NR1D2: variants seen among roughly 807,000 people sequenced by gnomAD.
NR1D2 encodes nuclear receptor subfamily 1 group D member 2.
A neutral mutation model predicts 52.2 loss-of-function variants in NR1D2; 25 were observed. The observed-to-expected ratio is 0.48, with a 90% CI of 0.35 to 0.67. The LOEUF is 0.67. Ranked by LOEUF, NR1D2 falls within the 30% of genes least tolerant of loss-of-function variation. The pLI is 0.01. For synonymous variants in NR1D2, 259 were observed against 230.1 expected (o/e 1.13, Z -1.14); for missense variants, 681 against 707.2 (o/e 0.96, Z 0.42).
At position 23,946,448 on chromosome 3, in the gene NR1D2, G is replaced by C. The variant is rs1028508342; in HGVS notation, c.16+854G>C. 1.4e-5 allele frequency: 4 copies of C among 279,352 alleles called. No individual in the cohort carries two copies. In the Admixed American group the frequency reaches 1.9e-4, roughly 14 times the overall value. The allele number at this position is 279,352 out of a possible 1,614,324, so 17.3% of individuals were successfully genotyped here. Reference sequence around the variant, plus strand: ...AGGAGCTCTGAGGTGCTTCGATCCCGAGCGACTCCCCGCAGACTGGGTAGC... The same window carrying C: ...AGGAGCTCTGAGGTGCTTCGATCCCCAGCGACTCCCCGCAGACTGGGTAGC... On this transcript the variant is annotated intron_variant, in intron 1 of 7. Coordinates refer to ENST00000312521, the MANE Select transcript of NR1D2 (RefSeq NM_005126.5).
In NR1D2 at chr3:23,977,486, T is replaced by A. The variant is rs1706763307; in HGVS notation, c.*67T>A. The A allele has an allele frequency of 9.7e-7, 1 of 1,034,010 alleles. No individual in the cohort carries two copies. Among genetic ancestry groups the A allele is most frequent in the African/African-American group, 1.6e-5 (1 of 62,286 alleles). The allele number at this position is 1,034,010 out of a possible 1,614,324, so 64.1% of individuals were successfully genotyped here. A position where few individuals can be genotyped will look rare whatever the true frequency, so the allele number is the denominator to read the frequency against. On this transcript the variant is annotated 3_prime_UTR_variant, in exon 8 of 8. Transcript: ENST00000312521. ...TTTTGTGCTAAAATGCATATTTATA[T>A]GTGTATACCATATGTGGAGATAGAA...
intron 3 of NR1D2, among the ~76,000 whole-genome samples, chr3:23,958,121 G>A (rs1706134618): frequency 6.6e-6 from 1 of 152,216 alleles, no homozygotes; most frequent in Non-Finnish European, 1.5e-5. Context: ...GCAGCTGTTT[G>A]TAGCCATCTA....
chr3:23,945,979 T>C (rs1705678114), intron 1 of NR1D2: 1 of 474,452 alleles, frequency 2.1e-6, no homozygotes, highest in African/African-American at 2.1e-5. Flanking sequence ...GTGAGGCCGC[T>C]CGGCTCCCTG....
chr3:23,979,159 TTAAG>T lies in NR1D2; in HGVS notation c.*1746_*1749del, dbSNP rs1169227920. Reference sequence around the variant, plus strand: ...GGGACTTGATTTACTGTGGCACTAGTTAAGTAAGTTAAAAAAAAGTTAAACCCTC... The same window carrying T: ...GGGACTTGATTTACTGTGGCACTAGTTAAGTTAAAAAAAAGTTAAACCCTC... On this transcript the variant is annotated 3_prime_UTR_variant, in exon 8 of 8. Coordinates refer to ENST00000312521, the MANE Select transcript of NR1D2 (RefSeq NM_005126.5). 1.3e-5 allele frequency: 2 copies of T among 152,146 alleles called. No individual in the cohort carries two copies. Among genetic ancestry groups the T allele is most frequent in the African/African-American group, 2.4e-5 (1 of 41,530 alleles). 9.4% of individuals were successfully genotyped at this position (152,146 alleles called of 1,614,324 possible). A position where few individuals can be genotyped will look rare whatever the true frequency, so the allele number is the denominator to read the frequency against.
In NR1D2 at chr3:23,962,343, A is replaced by G. The variant is rs375264865; in HGVS notation, c.884A>G (p.Asn295Ser). 3.7e-6 allele frequency: 6 copies of G among 1,614,034 alleles called. No homozygotes were observed. Among genetic ancestry groups the G allele is most frequent in the Non-Finnish European group, 5.1e-6 (6 of 1,180,018 alleles). Residue 295 changes from asparagine to serine, a missense_variant, in exon 5 of 8, where the codon AAT (asparagine) becomes AGT (serine). Asn to Ser is a conservative substitution (Grantham distance 46). Transcript: ENST00000312521. Reference sequence around the variant, plus strand: ...ATTCCCAAGAACATGGAGCAATATAATTTAAATCATGATCATTGCGGCAAT... The same window carrying G: ...ATTCCCAAGAACATGGAGCAATATAGTTTAAATCATGATCATTGCGGCAAT... ...ERIPKNMEQY[N>S]LNHDHCGNGL...
chr3:23,951,991 C>G (rs1705946511), intron 1 of NR1D2, among the ~76,000 whole-genome samples: 1 of 152,158 alleles, frequency 6.6e-6, no homozygotes, highest in Admixed American at 6.5e-5. Context: ...TTCCAGGGAG[C>G]ACAGATGAAG....
chr3:23,953,444 G>A (rs1055261777), intron 1 of NR1D2, among the ~76,000 whole-genome samples: 1 of 151,864 alleles, frequency 6.6e-6, no homozygotes. Context: ...TCTGTGTAGA[G>A]GGAATTAGCT....
intron 1 of NR1D2, among the ~76,000 whole-genome samples, chr3:23,952,970 T>A (rs1705983203): frequency 6.6e-6 from 1 of 151,968 alleles, no homozygotes; most frequent in Non-Finnish European, 1.5e-5. Flanking sequence ...TTTTTTTTCT[T>A]GCCTAAAGAC....
intron 6 of NR1D2, among the ~76,000 whole-genome samples, chr3:23,965,592 TG>T (rs1324931932): frequency 6.6e-6 from 1 of 152,114 alleles, no homozygotes; most frequent in Non-Finnish European, 1.5e-5. Flanking sequence ...GTCCAGAGTC[TG>T]AAACTATCAA....
Position 23,970,152 on chromosome 3 carries a change from G to A in NR1D2, c.1543+2129G>A, listed in dbSNP as rs549684280. On this transcript the variant is annotated intron_variant, in intron 7 of 7. Coordinates refer to ENST00000312521, the MANE Select transcript of NR1D2 (RefSeq NM_005126.5). ...ACATTAATTCTGCATTTTTATTGTG[G>A]TGGGCAGATTAGATAGGTAAGTCAT... is the stretch of plus-strand genomic sequence containing the variant. Among the ~76,000 whole-genome samples the A allele has an allele frequency of 3.9e-5, 6 of 152,342 alleles. No individual in the cohort carries two copies. The South Asian group carries it at 1.2e-3, about 32-fold the overall frequency.
At position 23,961,989 on chromosome 3, in the gene NR1D2, G is replaced by T; in HGVS notation, c.530G>T (p.Gly177Val). The change falls in exon 5 of 8, where the codon GGT becomes GTT. Residue 177 changes from glycine to valine, a missense_variant. Physicochemically the swap from Gly to Val is moderately radical, Grantham distance 109. Transcript: ENST00000312521. ...VGMSRDAVRF[G>V]RIPKREKQRM... ...TTTTCTTCAATAGCTGTTCGGTTTG[G>T]TCGTATTCCTAAGCGTGAAAAACAG... 6.2e-7 allele frequency: 1 copy of T among 1,603,930 alleles called. No individual in the cohort carries two copies. Among genetic ancestry groups the T allele is most frequent in the Non-Finnish European group, 8.5e-7 (1 of 1,173,650 alleles).
Position 23,962,059 on chromosome 3 carries a change from C to T in NR1D2, c.600C>T (p.Asn200=). Reference sequence around the variant, plus strand: ...AAAGTGCAATGAAGACCATGATGAACAGCCAGTTCAGTGGTCACTTGCAAA... The same window carrying T: ...AAAGTGCAATGAAGACCATGATGAATAGCCAGTTCAGTGGTCACTTGCAAA... ...EMQSAMKTMM[N]SQFSGHLQND... The change falls in exon 5 of 8, where the codon AAC becomes AAT. Residue 200 remains asparagine, a synonymous_variant. Coordinates refer to ENST00000312521, the MANE Select transcript of NR1D2 (RefSeq NM_005126.5). The T allele has an allele frequency of 6.2e-7, 1 of 1,614,148 alleles. No homozygotes were observed. The highest frequency in any genetic ancestry group is 1.1e-5 in the South Asian group (1 of 91,078).
chr3:23,977,289 G>A lies in NR1D2; in HGVS notation c.1610G>A (p.Arg537Lys), dbSNP rs1378346885. The A allele has an allele frequency of 6.2e-7, 1 of 1,613,278 alleles. No individual in the cohort carries two copies. Among genetic ancestry groups the A allele is most frequent in the South Asian group, 1.1e-5 (1 of 91,016 alleles). Reference sequence around the variant, plus strand: ...CAGGAAACTCTCATTCGTGCACTAAGGACCTTAATAATGAAAAACCATCCA... The same window carrying A: ...CAGGAAACTCTCATTCGTGCACTAAAGACCTTAATAATGAAAAACCATCCA... ...ALQETLIRAL[R>K]TLIMKNHPNE... Residue 537 changes from arginine to lysine, a missense_variant, in exon 8 of 8, where the codon AGG becomes AAG. By Grantham distance (26) the Arg-to-Lys change is conservative. Around this residue, in one of 3 missense-constraint regions of NR1D2, gnomAD observed 475 missense variants for 454.5 expected, o/e 1.05. Coordinates refer to ENST00000312521, the MANE Select transcript of NR1D2 (RefSeq NM_005126.5).
At chr3:23,954,441 G>C in intron 1 of NR1D2, 96 bp from the exon 2 acceptor site, 1 of 1,018,444 alleles carries the variant, frequency 9.8e-7, no homozygotes, top group Non-Finnish European at 1.5e-6. Context: ...TCAGTATCCT[G>C]TTTCTAAAGT....
intron 3 of NR1D2, 96 bp downstream of exon 3, chr3:23,956,221 A>G (rs2125286595): frequency 1.1e-6 from 1 of 909,532 alleles, no homozygotes; most frequent in Non-Finnish European, 1.8e-6. Flanking sequence ...TCTGAGAGAC[A>G]GTGAGAAGTC....
chr3:23,960,552 G>C (rs191708189), intron 4 of NR1D2, among the ~76,000 whole-genome samples: 109 of 152,176 alleles, frequency 7.2e-4, no homozygotes, highest in African/African-American at 1.4e-3. Context: ...GGCTGGTCTC[G>C]AACTCCTGAC....
chr3:23,976,416 G>A (rs1706724690), intron 7 of NR1D2, among the ~76,000 whole-genome samples: 1 of 152,220 alleles, frequency 6.6e-6, no homozygotes, highest in Admixed American at 6.5e-5. Context: ...TAGTTAAGCT[G>A]TGGACAGGGC....
chr3:23,972,049 G>A (rs972870924), intron 7 of NR1D2, among the ~76,000 whole-genome samples: 1 of 152,190 alleles, frequency 6.6e-6, no homozygotes, highest in African/African-American at 2.4e-5. Context: ...TAATTGTTTA[G>A]AATTAAGTAA....
intron 1 of NR1D2, among the ~76,000 whole-genome samples, chr3:23,948,709 A>C (rs1039187359): frequency 1.3e-5 from 2 of 152,252 alleles, no homozygotes; most frequent in African/African-American, 4.8e-5. Flanking sequence ...GAAGCTAAAT[A>C]ACTTACTCAG....
Sources: gnomAD v4.1 joint callset for allele counts (sites outside exome capture counted in the v4.1 genomes callset) on GRCh38, gnomAD v4.1.1 for gene constraint, gnomAD v4.1.1 regional missense constraint, MANE v1.5 for transcripts, NCBI Gene and HGNC (gene_info 2026-07-23, HGNC 2026-07-21) for gene names.